Variants in LRRC71 observed in about 807,000 individuals in gnomAD.
The protein encoded by LRRC71 is leucine-rich repeat-containing protein 71.
Under a neutral mutation model 66.6 loss-of-function variants are expected in LRRC71, and 54 were observed. That is an observed-to-expected ratio of 0.81 (90% CI 0.65 to 1.02). LRRC71 has a LOEUF of 1.02. LRRC71 is among the 50% of genes least tolerant of loss of function. LRRC71 has a pLI of 0.00. For synonymous variants in LRRC71, 323 were observed against 303.9 expected (o/e 1.06, Z -0.65); for missense variants, 724 against 718.0 (o/e 1.01, Z -0.10).
At chr1:156,939,967 G>A in the LRRC71 span, 3 of 1,580,760 alleles carry the variant, frequency 1.9e-6, no homozygotes, top group Non-Finnish European at 2.6e-6. Context: ...CACGCCAGAA[G>A]GATCGTTGTA....
chr1:156,939,458 G>A, the LRRC71 span: 4 of 1,565,734 alleles, frequency 2.6e-6, no homozygotes, highest in Non-Finnish European at 3.5e-6. Flanking sequence ...GTACCCAGGG[G>A]GAGTATAGGG....
chr1:156,921,039 C>A, intron 1 of LRRC71, 76 bp downstream of exon 1: 1 of 1,423,190 alleles, frequency 7.0e-7, no homozygotes, highest in South Asian at 1.6e-5. Context: ...ACTCACTGCT[C>A]CAAGGTTATG....
rs1014932505 is a variant in LRRC71, at chr1:156,924,924, C to T, written c.516-14C>T. The T allele has an allele frequency of 1.3e-6, 2 of 1,551,566 alleles. No individual in the cohort carries two copies. The highest frequency in any genetic ancestry group is 2.7e-5 in the African/African-American group (2 of 73,038). Reference sequence around the variant, plus strand: ...GCTCTAGCTCTGTGTTTCTGCACTTCCCGCCCACGACAGCTTGTGGAAGGT... The same window carrying T: ...GCTCTAGCTCTGTGTTTCTGCACTTTCCGCCCACGACAGCTTGTGGAAGGT... On this transcript the variant is annotated splice_polypyrimidine_tract_variant and intron_variant, in intron 4 of 14. Coordinates refer to ENST00000337428, the MANE Select transcript of LRRC71 (RefSeq NM_144702.3).
chr1:156,936,491 A>AAT (rs1287321269), downstream of LRRC71, among the ~76,000 whole-genome samples: 16 of 71,380 alleles, frequency 2.2e-4, no homozygotes, highest in African/African-American at 9.7e-4. Context: ...AAAAAAAAAA[A>AAT]AAAAAAATAT....
rs544267368 is a variant in LRRC71, at chr1:156,929,876, T to A, written c.1240+147T>A. ...TCTGGGCTTGATTTCCTTCTCACAG[T>A]GGGATGATGTGGAGAGCCGCATCCA... On this transcript the variant is annotated intron_variant, in intron 11 of 14. Coordinates refer to ENST00000337428, the MANE Select transcript of LRRC71 (RefSeq NM_144702.3). 6.8e-5 allele frequency: 45 copies of A among 665,292 alleles called. No homozygotes were observed. In the African/African-American group the frequency reaches 7.7e-4, roughly 11 times the overall value. The allele number at this position is 665,292 out of a possible 1,614,324, so 41.2% of individuals were successfully genotyped here. A position where few individuals can be genotyped will look rare whatever the true frequency, so the allele number is the denominator to read the frequency against.
chr1:156,931,354 AGAGG>A, intron 12 of LRRC71, among the ~76,000 whole-genome samples: 1 of 152,328 alleles, frequency 6.6e-6, no homozygotes, highest in East Asian at 1.9e-4. Flanking sequence ...GAGGACGTTC[AGAGG>A]GAGGAAGAGA....
the LRRC71 span, chr1:156,939,763 C>A: frequency 1.2e-6 from 2 of 1,613,900 alleles, no homozygotes; most frequent in East Asian, 4.5e-5. Flanking sequence ...GGGTGCTTGC[C>A]CTGGGGAGCC....
chr1:156,928,930 CT>C (rs1458820860), intron 9 of LRRC71, among the ~76,000 whole-genome samples: 2 of 152,042 alleles, frequency 1.3e-5, no homozygotes, highest in Non-Finnish European at 2.9e-5. Flanking sequence ...ATAGTTGTAC[CT>C]ATTTCATGAC....
intron 11 of LRRC71, 119 bp from the exon 12 acceptor site, chr1:156,930,410 T>A (rs1054654534): frequency 2.4e-5 from 19 of 795,906 alleles, no homozygotes; most frequent in Middle Eastern, 2.3e-4. Context: ...GCCATTTCTA[T>A]TGCACCCAAA....
At position 156,932,520 on chromosome 1, in the gene LRRC71, T is replaced by TG; in HGVS notation, c.1542dup (p.Leu515AlafsTer8). The TG allele has an allele frequency of 1.2e-6, 2 of 1,613,972 alleles. No homozygotes were observed. The highest frequency in any genetic ancestry group is 4.5e-5 in the East Asian group (2 of 44,880). On this transcript the variant is annotated frameshift_variant, in exon 14 of 15. Coordinates refer to ENST00000337428, the MANE Select transcript of LRRC71 (RefSeq NM_144702.3). LOFTEE classifies it high-confidence loss of function. ...GCCAAGAGTGCATCCAAGGGTCCAG[T>TG]GGGGCTGCTGTGGCTGTCCCTGGCT...
intron 13 of LRRC71, 104 bp downstream of exon 13, chr1:156,932,131 A>G (rs1305126624): frequency 1.2e-5 from 11 of 937,572 alleles, no homozygotes; most frequent in Non-Finnish European, 1.2e-5. Flanking sequence ...TGGTCCTCCC[A>G]TCTTTGGGCT....
At chr1:156,935,202 A>G (rs1654845571), downstream of LRRC71, 1 of 152,428 alleles carries the variant, frequency 6.6e-6, no homozygotes, top group Non-Finnish European at 1.5e-5. Flanking sequence ...AGAGGGGGAC[A>G]TAGGTGGGGT....
At chr1:156,929,506 AG>A (rs1653947257) in intron 10 of LRRC71, 77 bp downstream of exon 10, 20 of 1,592,536 alleles carry the variant, frequency 1.3e-5, no homozygotes, top group Non-Finnish European at 1.7e-5. Flanking sequence ...GAGGTGGTGG[AG>A]GGAAGAAGGC....
At chr1:156,937,563 T>A (rs1655740711), downstream of LRRC71, 1 of 1,475,472 alleles carries the variant, frequency 6.8e-7, no homozygotes, top group African/African-American at 1.4e-5. Context: ...CTCCCGTTCC[T>A]GTGGGATTCC....
Position 156,933,015 on chromosome 1 carries a change from C to T in LRRC71, c.*46C>T, listed in dbSNP as rs1177878299. On this transcript the variant is annotated 3_prime_UTR_variant, in exon 15 of 15. Transcript: ENST00000337428. ...TCTAAGACTCGGGGCTACAGAAGCA[C>T]CTCCTGTCCCTGTGTGGGGTGACCT... 1 of 1,411,162 alleles carries T rather than the reference C, an allele frequency of 7.1e-7. No individual in the cohort carries two copies. Among genetic ancestry groups the T allele is most frequent in the South Asian group, 1.2e-5 (1 of 80,278 alleles). The allele number at this position is 1,411,162 out of a possible 1,614,324, so 87.4% of individuals were successfully genotyped here. A position where few individuals can be genotyped will look rare whatever the true frequency, so the allele number is the denominator to read the frequency against.
In LRRC71 at chr1:156,927,202, G is replaced by A. The variant is rs756321045; in HGVS notation, c.594G>A (p.Arg198=). The A allele has an allele frequency of 6.2e-7, 1 of 1,612,084 alleles. No homozygotes were observed. The highest frequency in any genetic ancestry group is 8.5e-7 in the Non-Finnish European group (1 of 1,179,158). ...ELLPLCSSTL[R]KVSLEGNPLP... ...GTTCTCAGATCTCCCCTGCCCTCAGGAAGGTGTCTCTGGAGGGGAACCCAC... is the reference window on the plus strand; with the variant it reads ...GTTCTCAGATCTCCCCTGCCCTCAGAAAGGTGTCTCTGGAGGGGAACCCAC... The change falls in exon 6 of 15, where the codon AGG becomes AGA. Residue 198 remains arginine (R), a splice_region_variant and synonymous_variant. Transcript: ENST00000337428.
At chr1:156,932,797 C>G in intron 14 of LRRC71, 56 bp from the exon 15 acceptor site, 1 of 1,351,944 alleles carries the variant, frequency 7.4e-7, no homozygotes. Flanking sequence ...TTTTTTTCTG[C>G]CAGAGGACTA....
chr1:156,937,115 G>C, downstream of LRRC71: 1 of 1,565,822 alleles, frequency 6.4e-7, no homozygotes, highest in South Asian at 1.2e-5. Flanking sequence ...AAGGGTGGCT[G>C]GGCGGGCTGG....
chr1:156,928,469 C>T (rs1490010857), intron 9 of LRRC71, among the ~76,000 whole-genome samples: 19 of 132,980 alleles, frequency 1.4e-4, no homozygotes, highest in African/African-American at 4.5e-4. Context: ...TCCTTCTTCT[C>T]TTCTTCCTCT....
Sources: allele counts gnomAD v4.1 joint callset (sites outside exome capture counted in the v4.1 genomes callset), GRCh38; gene constraint gnomAD v4.1.1; transcripts MANE v1.5; gene names NCBI Gene and HGNC (gene_info 2026-07-23, HGNC 2026-07-21).